The following FRMPD4 variants were observed in gnomAD, a reference collection of about 807,000 sequenced individuals.
FRMPD4 encodes FERM and PDZ domain containing 4, also known as FERM and PDZ domain-containing protein 4.
Under a neutral mutation model 94.1 loss-of-function variants are expected in FRMPD4, and 22 were observed. That is an observed-to-expected ratio of 0.23 (90% CI 0.17 to 0.33). FRMPD4 has a LOEUF of 0.33. FRMPD4 is among the 10% of genes least tolerant of loss of function. The pLI is 1.00. For missense variants in FRMPD4, 1,111 were observed against 1,339.9 expected (o/e 0.83, Z 2.67); for synonymous variants, 631 against 548.6 (o/e 1.15, Z -2.10).
intron 1 of FRMPD4, among the ~76,000 whole-genome samples, chrX:12,259,631 G>A (rs1315360371): frequency 9.0e-6 from 1 of 111,565 alleles, no homozygotes; most frequent in Non-Finnish European, 1.9e-5. Flanking sequence ...ACGAATACAC[G>A]GTTAAGCCTA....
At chrX:11,964,159 G>T (rs867431992) in intron 3 of FRMPD4, among the ~76,000 whole-genome samples, 7 of 105,195 alleles carry the variant, frequency 6.7e-5, no homozygotes, top group Non-Finnish European at 9.8e-5. Flanking sequence ...TTTTTTTGTT[G>T]TTGTTGTTGT....
chrX:12,412,438 C>T (rs2056746123), intron 1 of FRMPD4, among the ~76,000 whole-genome samples: 1 of 112,405 alleles, frequency 8.9e-6, no homozygotes. Flanking sequence ...AAAGCAGCAG[C>T]TTGAGAAGAG....
chrX:12,201,424 A>C (rs1276276343), intron 1 of FRMPD4, among the ~76,000 whole-genome samples: 1 of 111,935 alleles, frequency 8.9e-6, no homozygotes, highest in Non-Finnish European at 1.9e-5. Context: ...TACTAGGGTG[A>C]GAATAGGGGC....
At chrX:12,678,140 G>A (rs1167503740) in intron 5 of FRMPD4, among the ~76,000 whole-genome samples, 1 of 111,763 alleles carries the variant, frequency 8.9e-6, no homozygotes, top group African/African-American at 3.3e-5. Context: ...CATTTCCTAT[G>A]TCATCAAAAA....
chrX:12,639,976 G>C (rs1272029513), intron 4 of FRMPD4, among the ~76,000 whole-genome samples: 1 of 111,588 alleles, frequency 9.0e-6, no homozygotes, highest in African/African-American at 3.3e-5. Context: ...CCATTGGAGA[G>C]GAACACTTAC....
At chrX:11,943,055 C>A (rs56381255) in intron 3 of FRMPD4, among the ~76,000 whole-genome samples, 3 of 111,842 alleles carry the variant, frequency 2.7e-5, no homozygotes, top group Admixed American at 9.5e-5. Context: ...ATTTCACAAT[C>A]AGTAGACCTT....
intron 1 of FRMPD4, among the ~76,000 whole-genome samples, chrX:12,301,522 C>G (rs776989627): frequency 9.0e-6 from 1 of 111,474 alleles, no homozygotes; most frequent in Non-Finnish European, 1.9e-5. Context: ...GTCTGTCTTG[C>G]GAGACCCAGT....
chrX:11,848,360 C>T (rs1185235356), intron 1 of FRMPD4, among the ~76,000 whole-genome samples: 1 of 111,562 alleles, frequency 9.0e-6, no homozygotes, highest in African/African-American at 3.3e-5. Flanking sequence ...AGTGTTACTC[C>T]TTTGCCTGCA....
At chrX:12,497,400 TTTG>T (rs1602027164) in intron 1 of FRMPD4, among the ~76,000 whole-genome samples, 2 of 110,065 alleles carry the variant, frequency 1.8e-5, no homozygotes, top group South Asian at 4.0e-4. Context: ...GTGTGGTTTT[TTTG>T]TTGTTGTTGT....
chrX:12,590,755 A>G (rs2148393228), intron 2 of FRMPD4, among the ~76,000 whole-genome samples: 1 of 111,702 alleles, frequency 9.0e-6, no homozygotes, highest in East Asian at 2.8e-4. Context: ...TAAAAGTGCC[A>G]AGGCTGCCTC....
rs967134617 is a variant in FRMPD4 at position 12,718,361 on chromosome X, A to C, written c.3535A>C (p.Lys1179Gln). Residue 1179 changes from lysine (K) to glutamine (Q), a missense_variant, in exon 16 of 17, where the codon AAG (lysine) becomes CAG (glutamine). Physicochemically the swap from Lys to Gln is moderately conservative, Grantham distance 53. Around this residue, in one of 8 missense-constraint regions of FRMPD4, gnomAD observed 551 missense variants for 591.6 expected, o/e 0.93. Coordinates refer to ENST00000675598, the MANE Select transcript of FRMPD4 (RefSeq NM_001368397.1). ...CTCGTCCACCTGCGACCATCCTTCC[A>C]AGCTTCCTGAGGCTGATGAGAGTGT... ...ADSSTCDHPS[K>Q]LPEADESVAR... is the part of the protein sequence containing the mutation. 1.7e-6 allele frequency: 2 copies of C among 1,210,102 alleles called. No homozygotes were observed. The highest frequency in any genetic ancestry group is 3.5e-5 in the African/African-American group (2 of 57,166).
chrX:12,550,822 T>A (rs190212107), intron 2 of FRMPD4, among the ~76,000 whole-genome samples: 2,254 of 62,199 alleles, frequency 0.036, 25 homozygotes, highest in Non-Finnish European at 0.043. Flanking sequence ...GTACTTACTT[T>A]CTCTTTTAGA....
chrX:12,089,488 C>T (rs1027932421), intron 3 of FRMPD4, among the ~76,000 whole-genome samples: 5 of 112,045 alleles, frequency 4.5e-5, no homozygotes, highest in Middle Eastern at 4.6e-3. Context: ...TTCAATTTAA[C>T]CATGCTGGTG....
At chrX:12,648,878 G>A (rs1056673459) in intron 4 of FRMPD4, among the ~76,000 whole-genome samples, 4 of 112,228 alleles carry the variant, frequency 3.6e-5, no homozygotes, top group African/African-American at 9.7e-5. Context: ...ATGCTTACTC[G>A]CATTGGAGAA....
chrX:12,224,910 C>T (rs906344088), intron 1 of FRMPD4, among the ~76,000 whole-genome samples: 1 of 111,554 alleles, frequency 9.0e-6, no homozygotes, highest in African/African-American at 3.3e-5. Flanking sequence ...CAAACTTGTG[C>T]CAGTTAGGAA....
chrX:12,703,655 C>A (rs1443758329), intron 10 of FRMPD4, among the ~76,000 whole-genome samples: 1 of 112,017 alleles, frequency 8.9e-6, no homozygotes, highest in Non-Finnish European at 1.9e-5. Context: ...GGGTGGTAGT[C>A]GTTTCTGGTG....
intron 3 of FRMPD4, among the ~76,000 whole-genome samples, chrX:12,106,839 C>T (rs772052469): frequency 5.4e-5 from 6 of 111,757 alleles, no homozygotes; most frequent in Non-Finnish European, 9.4e-5. Flanking sequence ...AAGGTGGCAG[C>T]GAGGCTGGGG....
intron 13 of FRMPD4, chrX:12,709,042 C>T (rs2041932967): frequency 8.8e-6 from 1 of 113,788 alleles, no homozygotes; most frequent in Non-Finnish European, 1.9e-5. Context: ...AAAGGGTGAA[C>T]TGGATGCAGT....
intron 1 of FRMPD4, among the ~76,000 whole-genome samples, chrX:11,841,960 C>G (rs1457861782): frequency 1.8e-5 from 2 of 111,323 alleles, no homozygotes; most frequent in African/African-American, 6.6e-5. Flanking sequence ...TTAGCTTTCT[C>G]CATATGGCTA....
Sources: gnomAD v4.1 joint callset for allele counts (sites outside exome capture counted in the v4.1 genomes callset) on GRCh38, gnomAD v4.1.1 for gene constraint, gnomAD v4.1.1 regional missense constraint, MANE v1.5 for transcripts, NCBI Gene and HGNC (gene_info 2026-07-23, HGNC 2026-07-21) for gene names.